Variants in PIK3R5 observed in about 807,000 individuals in gnomAD.
The protein encoded by PIK3R5 is phosphoinositide-3-kinase regulatory subunit 5.
A neutral mutation model predicts 94.9 loss-of-function variants in PIK3R5; 32 were observed. That is an observed-to-expected ratio of 0.34 (90% confidence interval 0.25 to 0.45). PIK3R5 has a LOEUF of 0.45. Among genes scored for constraint, PIK3R5 ranks in the 20% least tolerant of loss-of-function variants. The pLI is 1.00. For synonymous variants in PIK3R5, 443 were observed against 479.4 expected (o/e 0.92, Z 0.99); for missense variants, 853 against 1,144.6 (o/e 0.75, Z 3.68).
chr17:8,881,643 T>G lies in PIK3R5; in HGVS notation c.2369A>C (p.Lys790Thr). Residue 790 changes from lysine (K) to threonine (T), a missense_variant, in exon 17 of 19, where the codon AAG becomes ACG. This residue lies in a region of PIK3R5 where 173 missense variants were observed against 274.1 expected (regional missense o/e 0.63). Transcript: ENST00000447110. The surrounding 1 kb of genome is among the most constrained non-coding windows in gnomAD (Gnocchi z 4.8). ...VVKRQNSKSK[K>T]GFNQISTSQI... ...GGAAGCCCGTACCTGGTTAAAGCCC[T>G]TCTTGGATTTGGAGTTCTGCCTTTT... is the stretch of plus-strand genomic sequence containing the variant. 6.2e-7 allele frequency: 1 copy of G among 1,612,978 alleles called. No homozygotes were observed. Among genetic ancestry groups the G allele is most frequent in the South Asian group, 1.1e-5 (1 of 90,838 alleles).
chr17:8,930,992 G>T (rs772740465), intron 1 of PIK3R5, among the ~76,000 whole-genome samples: 1 of 152,130 alleles, frequency 6.6e-6, no homozygotes, highest in Non-Finnish European at 1.5e-5. Flanking sequence ...TGATATTGTC[G>T]TATTTGTTTT....
rs1286518964 is a variant in PIK3R5 at position 8,925,868 on chromosome 17, A to G, written c.-13-14361T>C. On this transcript the variant is annotated intron_variant, in intron 1 of 18. Transcript: ENST00000447110. The surrounding 1 kb of genome is among the most constrained non-coding windows in gnomAD (Gnocchi z 5.1). ...AAGTTTGGGGAGAGGACAATTTGGGAGAGGAAAACAAGAGTCCTGCTTTGT... is the reference window on the plus strand; with the variant it reads ...AAGTTTGGGGAGAGGACAATTTGGGGGAGGAAAACAAGAGTCCTGCTTTGT... Among the ~76,000 whole-genome samples the G allele has an allele frequency of 6.6e-6, 1 of 152,184 alleles. No homozygotes were observed. The highest frequency in any genetic ancestry group is 1.5e-5 in the Non-Finnish European group (1 of 68,034).
intron 14 of PIK3R5, among the ~76,000 whole-genome samples, chr17:8,885,378 G>C (rs866568627): frequency 9.2e-5 from 13 of 140,604 alleles, no homozygotes; most frequent in Non-Finnish European, 1.8e-4. Flanking sequence ...CCTGCCTCCC[G>C]GTACCCCTGC....
chr17:8,948,096 C>T (rs1329982256), intron 1 of PIK3R5, among the ~76,000 whole-genome samples: 1 of 143,786 alleles, frequency 7.0e-6, no homozygotes, highest in Non-Finnish European at 1.5e-5. Context: ...AAGAAAAATG[C>T]AGCATACATC....
At chr17:8,924,625 A>T (rs2090832638) in intron 1 of PIK3R5, among the ~76,000 whole-genome samples, 1 of 152,136 alleles carries the variant, frequency 6.6e-6, no homozygotes, top group African/African-American at 2.4e-5. Flanking sequence ...ATCCAACAGC[A>T]GGTCATTGTT....
intron 1 of PIK3R5, among the ~76,000 whole-genome samples, chr17:8,912,926 G>A (rs1260909103): frequency 6.6e-6 from 1 of 152,166 alleles, no homozygotes; most frequent in East Asian, 1.9e-4. Flanking sequence ...CAGTGCAGCA[G>A]TGGGCACGCA....
At chr17:8,946,551 G>A (rs1315121035) in intron 1 of PIK3R5, among the ~76,000 whole-genome samples, 1 of 151,674 alleles carries the variant, frequency 6.6e-6, no homozygotes, top group East Asian at 1.9e-4. Flanking sequence ...TCCAACCTAA[G>A]TGTGTTTACT....
intron 5 of PIK3R5, among the ~76,000 whole-genome samples, chr17:8,899,993 G>A (rs1257769616): frequency 3.9e-5 from 6 of 152,008 alleles, no homozygotes; most frequent in East Asian, 1.9e-4. Context: ...AGCCGAGGTC[G>A]TGCCACTGCA....
In PIK3R5 at chr17:8,926,042, C is replaced by T. The variant is rs545952354; in HGVS notation, c.-13-14535G>A. ...CACCTCCAGTGTTAAGAGGTGGCAC[C>T]GGAAGTATCACAAAAAGACACTGAG... is the stretch of plus-strand genomic sequence containing the variant. On this transcript the variant is annotated intron_variant, in intron 1 of 18. Transcript: ENST00000447110. 3.3e-5 allele frequency among the ~76,000 whole-genome samples: 5 copies of T among 152,134 alleles called. No homozygotes were observed. In the South Asian group the frequency reaches 8.3e-4, roughly 25 times the overall value.
rs1168629720 is a variant in PIK3R5, at chr17:8,882,731, G to C, written c.2206-850C>G. On this transcript the variant is annotated intron_variant, in intron 15 of 18. Coordinates refer to ENST00000447110, the MANE Select transcript of PIK3R5 (RefSeq NM_001142633.3). This position sits in a 1 kb window ranked among gnomAD's most constrained non-coding sequence, Gnocchi z 4.1. ...TCCTGTGGTCCCCCCAGAGAAGATG[G>C]TGCTGCCAGTCACAGAGGAGTGACT... Among the ~76,000 whole-genome samples the C allele has an allele frequency of 6.6e-6, 1 of 152,088 alleles. No individual in the cohort carries two copies. Among genetic ancestry groups the C allele is most frequent in the African/African-American group, 2.4e-5 (1 of 41,390 alleles).
intron 6 of PIK3R5, 115 bp from the exon 7 acceptor site, chr17:8,891,027 C>T (rs1256641090): frequency 6.9e-6 from 7 of 1,009,574 alleles, no homozygotes; most frequent in African/African-American, 1.6e-5. Context: ...CCTCCTCAAG[C>T]CCAGGCAGAG....
At chr17:8,939,835 C>T (rs552159837) in intron 1 of PIK3R5, among the ~76,000 whole-genome samples, 202 of 152,256 alleles carry the variant, frequency 1.3e-3, no homozygotes, top group Non-Finnish European at 2.3e-3. Flanking sequence ...TTTTGATATT[C>T]ATGTATTCTG....
chr17:8,933,154 A>G (rs2091016034), intron 1 of PIK3R5, among the ~76,000 whole-genome samples: 1 of 152,230 alleles, frequency 6.6e-6, no homozygotes, highest in African/African-American at 2.4e-5. Flanking sequence ...CAGTGGAAAT[A>G]TTCTTCAAAA....
In PIK3R5 at chr17:8,880,794, G is replaced by C. The variant is rs1445704506; in HGVS notation, c.2496-8C>G. On this transcript the variant is annotated splice_polypyrimidine_tract_variant and splice_region_variant and intron_variant, in intron 18 of 18. Coordinates refer to ENST00000447110, the MANE Select transcript of PIK3R5 (RefSeq NM_001142633.3). The stretch of plus-strand genomic sequence containing the variant: ...CACGGTGAGACCTCACATCTGTGCA[G>C]CAGGGCAGGGGCCAGGGATCAGAGC... The C allele has an allele frequency of 1.9e-6, 3 of 1,612,930 alleles. No individual in the cohort carries two copies. The East Asian group carries it at 6.7e-5, about 36-fold the overall frequency.
chr17:8,892,566 C>G lies in PIK3R5; in HGVS notation c.482+1020G>C, dbSNP rs965116149. Among the ~76,000 whole-genome samples the G allele has an allele frequency of 6.6e-6, 1 of 151,974 alleles. No individual in the cohort carries two copies. Among genetic ancestry groups the G allele is most frequent in the African/African-American group, 2.4e-5 (1 of 41,360 alleles). On this transcript the variant is annotated intron_variant, in intron 6 of 18. Coordinates refer to ENST00000447110, the MANE Select transcript of PIK3R5 (RefSeq NM_001142633.3). This position sits in a 1 kb window ranked among gnomAD's most constrained non-coding sequence, Gnocchi z 4.3. ...CATGCTTAGGATGGTGCCTGGAGTC[C>G]GAATAAAGGTCTAAAGGGCTTTGAT... is the stretch of plus-strand genomic sequence containing the variant.
At chr17:8,917,367 C>T (rs920871570) in intron 1 of PIK3R5, among the ~76,000 whole-genome samples, 4 of 152,256 alleles carry the variant, frequency 2.6e-5, no homozygotes, top group Non-Finnish European at 4.4e-5. Context: ...AAGTGGGAGA[C>T]AAGCAATAAC....
rs144083537 is a variant in PIK3R5 at position 8,925,145 on chromosome 17, A to G, written c.-13-13638T>C. On this transcript the variant is annotated intron_variant, in intron 1 of 18. Transcript: ENST00000447110. The surrounding 1 kb of genome is among the most constrained non-coding windows in gnomAD (Gnocchi z 5.1). The stretch of plus-strand genomic sequence containing the variant: ...TAGATGGATAGATAGATAGTAGATG[A>G]ATAGATAGCTAGATAGTAGATGGAT... Among the ~76,000 whole-genome samples, 3 of 151,206 alleles carry G rather than the reference A, an allele frequency of 2.0e-5. No individual in the cohort carries two copies. The highest frequency in any genetic ancestry group is 2.0e-4 in the Admixed American group (3 of 15,226).
intron 1 of PIK3R5, chr17:8,915,855 ACTG>A (rs921468026): frequency 1.3e-5 from 2 of 152,340 alleles, no homozygotes; most frequent in Non-Finnish European, 2.9e-5. Context: ...GTGCCATAGG[ACTG>A]CTGCTAGCAC....
intron 1 of PIK3R5, among the ~76,000 whole-genome samples, chr17:8,932,192 G>T (rs1289083527): frequency 1.3e-5 from 2 of 152,062 alleles, no homozygotes; most frequent in Non-Finnish European, 2.9e-5. Flanking sequence ...AATGGACAGA[G>T]CAAGTTAACA....
Sources: gnomAD v4.1 joint callset for allele counts (sites outside exome capture counted in the v4.1 genomes callset) on GRCh38, gnomAD v4.1.1 for gene constraint, gnomAD v4.1.1 regional missense constraint, Gnocchi (gnomAD v3.1) non-coding constraint, MANE v1.5 for transcripts, NCBI Gene and HGNC (gene_info 2026-07-23, HGNC 2026-07-21) for gene names.